The following PSEN1 variants were observed in gnomAD, a reference collection of about 807,000 sequenced individuals.
PSEN1 encodes the protein presenilin 1, also known as presenilin-1.
PSEN1 carries 15 observed loss-of-function variants against 53.5 expected under a neutral mutation model. The observed-to-expected ratio is 0.28, with a 90% confidence interval of 0.19 to 0.43. PSEN1 has a LOEUF of 0.43. Ranked by LOEUF, PSEN1 falls within the 20% of genes least tolerant of loss-of-function variation. The probability of loss-of-function intolerance (pLI) is 1.00; values close to 1 mark genes in which losing one functional copy is unlikely to be tolerated. For missense variants in PSEN1, 387 were observed against 571.2 expected (o/e 0.68, Z 3.29); for synonymous variants, 208 against 209.8 (o/e 0.99, Z 0.08).
intron 6 of PSEN1, chr14:73,189,812 G>A: frequency 3.9e-6 from 1 of 255,642 alleles, no homozygotes; most frequent in South Asian, 4.4e-5. Context: ...CTTAAGCTGA[G>A]CAGTGTGGAG....
At chr14:73,159,665 A>G (rs1349184461) in intron 3 of PSEN1, among the ~76,000 whole-genome samples, 1 of 152,186 alleles carries the variant, frequency 6.6e-6, no homozygotes, top group Non-Finnish European at 1.5e-5. Context: ...TCCATCAGTC[A>G]TGGGTCAAAG....
chr14:73,158,010 C>T (rs899391935), intron 3 of PSEN1, among the ~76,000 whole-genome samples: 4 of 151,962 alleles, frequency 2.6e-5, no homozygotes, highest in Admixed American at 1.3e-4. Flanking sequence ...CATACAGACT[C>T]TTGTCTGGCT....
At chr14:73,162,497 C>G (rs1255157510) in intron 3 of PSEN1, among the ~76,000 whole-genome samples, 2 of 150,968 alleles carry the variant, frequency 1.3e-5, no homozygotes, top group Middle Eastern at 3.4e-3. Flanking sequence ...AGAGAGAGCA[C>G]GCGAACAAGC....
At chr14:73,152,536 C>T (rs1178605993) in intron 3 of PSEN1, among the ~76,000 whole-genome samples, 3 of 151,408 alleles carry the variant, frequency 2.0e-5, no homozygotes, top group Admixed American at 6.6e-5. Context: ...GAACCCAGGA[C>T]TCAGAGGTTG....
In PSEN1 at chr14:73,211,962, T is replaced by C. The variant is rs368081586; in HGVS notation, c.1129+20T>C. The C allele has an allele frequency of 2.5e-5, 41 of 1,613,168 alleles. No individual in the cohort carries two copies. Among genetic ancestry groups the C allele is most frequent in the Admixed American group, 2.2e-4 (13 of 59,962 alleles). On this transcript the variant is annotated intron_variant, in intron 10 of 11. Coordinates refer to ENST00000324501, the MANE Select transcript of PSEN1 (RefSeq NM_000021.4). ...AGGAAAGTATGTGCATTTCTCTATG[T>C]TGCAAAGTCATGGATTCCTTTAGGT...
At chr14:73,142,484 GTTTATA>G (rs950048341) in intron 1 of PSEN1, among the ~76,000 whole-genome samples, 25 of 152,252 alleles carry the variant, frequency 1.6e-4, no homozygotes, top group African/African-American at 6.0e-4. Context: ...TAGAAATTTT[GTTTATA>G]TTTATGTCTG....
intron 5 of PSEN1, among the ~76,000 whole-genome samples, chr14:73,178,308 C>G (rs968910302): frequency 6.6e-6 from 1 of 151,444 alleles, no homozygotes; most frequent in Non-Finnish European, 1.5e-5. Flanking sequence ...CAGCCTCAGC[C>G]TCCCAAGTAC....
At chr14:73,202,030 A>T (rs537259989) in intron 8 of PSEN1, among the ~76,000 whole-genome samples, 1 of 151,974 alleles carries the variant, frequency 6.6e-6, no homozygotes, top group African/African-American at 2.4e-5. Context: ...TACAGACGTG[A>T]GCCACTGCAC....
intron 8 of PSEN1, among the ~76,000 whole-genome samples, chr14:73,199,074 C>G (rs1899072335): frequency 6.6e-6 from 1 of 152,184 alleles, no homozygotes; most frequent in South Asian, 2.1e-4. Flanking sequence ...CACGCCTGGC[C>G]ATGTTTTCTT....
chr14:73,161,191 C>T (rs1897525638), intron 3 of PSEN1, among the ~76,000 whole-genome samples: 1 of 151,836 alleles, frequency 6.6e-6, no homozygotes, highest in Non-Finnish European at 1.5e-5. Context: ...CCCAGGCTGG[C>T]CTTGAACTCC....
intron 1 of PSEN1, among the ~76,000 whole-genome samples, chr14:73,145,332 T>A (rs1897039183): frequency 1.3e-5 from 2 of 152,160 alleles, no homozygotes; most frequent in Non-Finnish European, 2.9e-5. Flanking sequence ...GTACTTTTAT[T>A]ATTTTATTAT....
chr14:73,209,207 G>C (rs1899579589), intron 9 of PSEN1, among the ~76,000 whole-genome samples: 2 of 152,192 alleles, frequency 1.3e-5, no homozygotes, highest in African/African-American at 2.4e-5. Flanking sequence ...CAACTCAGAA[G>C]GGGGCAGGAC....
At chr14:73,147,391 G>C (rs1164398232) in intron 1 of PSEN1, 1 of 155,168 alleles carries the variant, frequency 6.4e-6, no homozygotes, top group Non-Finnish European at 1.4e-5. Flanking sequence ...TTATCTGTCC[G>C]TCCTGCCTTG....
intron 1 of PSEN1, among the ~76,000 whole-genome samples, chr14:73,144,035 C>CT (rs766901431): frequency 0.084 from 5,018 of 59,512 alleles, 784 homozygotes; most frequent in South Asian, 0.12. Context: ...TATAGCTTAT[C>CT]TTTTTTTTTT....
chr14:73,188,163 G>A (rs548789138), intron 6 of PSEN1, among the ~76,000 whole-genome samples: 2 of 151,762 alleles, frequency 1.3e-5, no homozygotes, highest in Admixed American at 6.6e-5. Flanking sequence ...TCCTGACCTC[G>A]TGATCCGCCC....
intron 9 of PSEN1, among the ~76,000 whole-genome samples, chr14:73,210,411 C>T (rs956791371): frequency 2.6e-5 from 4 of 152,124 alleles, no homozygotes; most frequent in Admixed American, 1.3e-4. Context: ...GTTACATTTG[C>T]GTGCACTAAA....
At chr14:73,150,786 AAAG>A (rs1897196765) in intron 3 of PSEN1, among the ~76,000 whole-genome samples, 1 of 132,216 alleles carries the variant, frequency 7.6e-6, no homozygotes, top group Non-Finnish European at 1.6e-5. Flanking sequence ...AAAAAAAAAA[AAAG>A]CCAGGTGCGG....
At chr14:73,152,751 A>G (rs899617517) in intron 3 of PSEN1, among the ~76,000 whole-genome samples, 1 of 152,114 alleles carries the variant, frequency 6.6e-6, no homozygotes, top group Non-Finnish European at 1.5e-5. Flanking sequence ...CATTTGAAAA[A>G]AGAAATATTC....
chr14:73,219,375 C>T lies in PSEN1; in HGVS notation c.*86C>T. 6 of 1,399,364 alleles carry T rather than the reference C, an allele frequency of 4.3e-6. No homozygotes were observed. The highest frequency in any genetic ancestry group is 5.0e-6 in the Non-Finnish European group (5 of 993,030). The allele number at this position is 1,399,364 out of a possible 1,614,324, so 86.7% of individuals were successfully genotyped here. A position where few individuals can be genotyped will look rare whatever the true frequency, so the allele number is the denominator to read the frequency against. On this transcript the variant is annotated 3_prime_UTR_variant, in exon 12 of 12. Transcript: ENST00000324501. The stretch of plus-strand genomic sequence containing the variant: ...GACAAAGGTGATTTTCCTGTGTCCA[C>T]ATCTAACAAAGTCAAGATTCCCGGC...
Sources: allele counts gnomAD v4.1 joint callset (sites outside exome capture counted in the v4.1 genomes callset), GRCh38; gene constraint gnomAD v4.1.1; transcripts MANE v1.5; gene names NCBI Gene and HGNC (gene_info 2026-07-23, HGNC 2026-07-21).